Variants in PDE8B observed in about 807,000 individuals in gnomAD.
PDE8B encodes the protein high affinity cAMP-specific and IBMX-insensitive 3',5'-cyclic phosphodiesterase 8B.
PDE8B carries 26 observed loss-of-function variants against 101.3 expected under a neutral mutation model. The observed-to-expected ratio is 0.26, with a 90% CI of 0.19 to 0.36. The LOEUF (loss-of-function observed/expected upper bound fraction) is 0.36, where lower values mean the gene tolerates loss of function less well. Ranked by LOEUF, PDE8B falls within the 10% of genes least tolerant of loss-of-function variation. The probability of loss-of-function intolerance (pLI) is 1.00; values close to 1 mark genes in which losing one functional copy is unlikely to be tolerated. For missense variants in PDE8B, 810 were observed against 1,163.1 expected (o/e 0.70, Z 4.42); for synonymous variants, 424 against 429.3 (o/e 0.99, Z 0.15).
upstream of PDE8B, chr5:77,210,562 G>A: frequency 2.1e-6 from 2 of 939,828 alleles, no homozygotes; most frequent in African/African-American, 1.8e-5. The surrounding 1 kb of genome is among the most constrained non-coding windows in gnomAD (Gnocchi z 4.9). Context: ...GCCCGGCGAG[G>A]TCGAGCTGGG....
the PDE8B span, among the ~76,000 whole-genome samples, chr5:77,152,453 T>A: frequency 3.9e-5 from 6 of 152,334 alleles, no homozygotes; most frequent in South Asian, 1.2e-3. Context: ...TGTAAAGTCC[T>A]TATGGCGGGG....
At chr5:77,282,621 C>T (rs1395373924) in intron 1 of PDE8B, among the ~76,000 whole-genome samples, 5 of 152,006 alleles carry the variant, frequency 3.3e-5, no homozygotes, top group Admixed American at 2.6e-4. Context: ...ATCTGCTGCT[C>T]GGAGGCAGTG....
At chr5:77,401,932 T>C (rs1399928649) in intron 11 of PDE8B, among the ~76,000 whole-genome samples, 1 of 152,214 alleles carries the variant, frequency 6.6e-6, no homozygotes, top group Non-Finnish European at 1.5e-5. Context: ...CATCTTTGAA[T>C]AATTTCTAAT....
At chr5:77,120,567 G>A in the PDE8B span, among the ~76,000 whole-genome samples, 3 of 152,118 alleles carry the variant, frequency 2.0e-5, no homozygotes. Context: ...ATAGATAAAT[G>A]GATATACGTA....
chr5:77,102,951 A>G, the PDE8B span, among the ~76,000 whole-genome samples: 3 of 152,358 alleles, frequency 2.0e-5, no homozygotes, highest in East Asian at 5.8e-4. Context: ...TAGGTCGGGC[A>G]GCTTTCCATG....
chr5:77,270,665 A>G (rs549576004), intron 1 of PDE8B, among the ~76,000 whole-genome samples: 1 of 152,316 alleles, frequency 6.6e-6, no homozygotes, highest in South Asian at 2.1e-4. Flanking sequence ...TGTGCACAGA[A>G]GATAGTGATT....
chr5:77,349,344 C>T, intron 7 of PDE8B, 75 bp from the exon 8 acceptor site: 4 of 1,590,986 alleles, frequency 2.5e-6, no homozygotes, highest in Non-Finnish European at 3.4e-6. Flanking sequence ...ACAAGTCTTC[C>T]TACGGGGCAC....
the PDE8B span, among the ~76,000 whole-genome samples, chr5:77,181,164 G>T: frequency 2.6e-5 from 4 of 150,964 alleles, no homozygotes; most frequent in Admixed American, 2.0e-4. Flanking sequence ...TAGACGGAGC[G>T]TGGACTAAAC....
At position 77,426,573 on chromosome 5, in the gene PDE8B, GC is replaced by G; in HGVS notation, c.*21del. 7.5e-7 allele frequency: 1 copy of G among 1,335,090 alleles called. No individual in the cohort carries two copies. The highest frequency in any genetic ancestry group is 1.1e-6 in the Non-Finnish European group (1 of 926,134). 82.7% of individuals were successfully genotyped at this position (1,335,090 alleles called of 1,614,324 possible). A position where few individuals can be genotyped will look rare whatever the true frequency, so the allele number is the denominator to read the frequency against. ...CAGCTAAAGCCAAGCCACAGAGGGG[GC>G]CTCTTGACCGACAAAGGACACTGTG... On this transcript the variant is annotated 3_prime_UTR_variant, in exon 22 of 22. Transcript: ENST00000264917.
the PDE8B span, among the ~76,000 whole-genome samples, chr5:77,103,061 A>T: frequency 6.6e-6 from 1 of 152,204 alleles, no homozygotes; most frequent in African/African-American, 2.4e-5. Flanking sequence ...CCCCACCGCC[A>T]TCTTGCTCTT....
chr5:77,271,179 A>T (rs543570580), intron 1 of PDE8B, among the ~76,000 whole-genome samples: 2 of 152,172 alleles, frequency 1.3e-5, no homozygotes, highest in Non-Finnish European at 2.9e-5. Flanking sequence ...AGACCATAAG[A>T]TCTCCCTATT....
At chr5:77,242,327 T>C (rs886435048) in intron 1 of PDE8B, among the ~76,000 whole-genome samples, 1 of 152,210 alleles carries the variant, frequency 6.6e-6, no homozygotes, top group Admixed American at 6.5e-5. Context: ...CAAATATCAG[T>C]AGCAAACGTG....
the PDE8B span, among the ~76,000 whole-genome samples, chr5:77,109,927 GTTTTTTTTTTTTTT>G: frequency 1.8e-4 from 12 of 67,234 alleles, no homozygotes; most frequent in Admixed American, 6.7e-4. Flanking sequence ...TTGTATTTCA[GTTTTTTTTTTTTTT>G]TTTTTTTTTT....
chr5:77,116,524 A>T, the PDE8B span, among the ~76,000 whole-genome samples: 1 of 152,102 alleles, frequency 6.6e-6, no homozygotes, highest in Non-Finnish European at 1.5e-5. Flanking sequence ...TTACAGGCGT[A>T]AGCCACCACG....
intron 1 of PDE8B, among the ~76,000 whole-genome samples, chr5:77,297,067 A>G (rs2150002219): frequency 6.6e-6 from 1 of 152,296 alleles, no homozygotes; most frequent in Admixed American, 6.5e-5. Context: ...GGGCCTTTGT[A>G]CTGTGTCATC....
At chr5:77,185,875 A>G in the PDE8B span, among the ~76,000 whole-genome samples, 1 of 152,176 alleles carries the variant, frequency 6.6e-6, no homozygotes, top group Admixed American at 6.5e-5. Flanking sequence ...TGGGTTAGAG[A>G]TGGGAAACCT....
chr5:77,294,791 G>A lies in PDE8B; in HGVS notation c.340-17203G>A, dbSNP rs142324872. On this transcript the variant is annotated intron_variant, in intron 1 of 21. Coordinates refer to ENST00000264917, the MANE Select transcript of PDE8B (RefSeq NM_003719.5). ...AAATAAAGAAGACAAGAAACTATTT[G>A]AGAAGTGATAGAATGCAAGACAGGC... Among the ~76,000 whole-genome samples the A allele has an allele frequency of 3.8e-3, 568 of 149,826 alleles. 2 individuals are homozygous for A. The highest frequency in any genetic ancestry group is 0.013 in the African/African-American group (540 of 41,176).
At chr5:77,195,351 C>T in the PDE8B span, among the ~76,000 whole-genome samples, 1 of 152,222 alleles carries the variant, frequency 6.6e-6, no homozygotes, top group African/African-American at 2.4e-5. Context: ...AATTTTCCAA[C>T]ACATGAATTT....
At chr5:77,137,665 G>A in the PDE8B span, among the ~76,000 whole-genome samples, 1 of 152,098 alleles carries the variant, frequency 6.6e-6, no homozygotes, top group Non-Finnish European at 1.5e-5. Flanking sequence ...GGCTCCCTAC[G>A]GAAACATAAA....
Sources: gnomAD v4.1 joint callset for allele counts (sites outside exome capture counted in the v4.1 genomes callset) on GRCh38, gnomAD v4.1.1 for gene constraint, Gnocchi (gnomAD v3.1) non-coding constraint, MANE v1.5 for transcripts, NCBI Gene and HGNC (gene_info 2026-07-23, HGNC 2026-07-21) for gene names.